Variants in FARS2 observed in about 807,000 individuals in gnomAD.
FARS2 encodes the protein phenylalanine--tRNA ligase, mitochondrial.
Under a neutral mutation model 46.4 loss-of-function variants are expected in FARS2, and 40 were observed. The observed-to-expected ratio is 0.86, with a 90% CI of 0.67 to 1.12. FARS2 has a LOEUF of 1.12. Among genes scored for constraint, FARS2 ranks in the 50% most tolerant of loss-of-function variants. FARS2 has a pLI of 0.00. For synonymous variants in FARS2, 234 were observed against 214.9 expected (o/e 1.09, Z -0.78); for missense variants, 513 against 567.9 (o/e 0.90, Z 0.98).
At chr6:5,322,958 G>A (rs985735168) in intron 1 of FARS2, among the ~76,000 whole-genome samples, 2 of 152,106 alleles carry the variant, frequency 1.3e-5, no homozygotes, top group Non-Finnish European at 2.9e-5. Context: ...ATTTCACAGC[G>A]ATAGCTCCCA....
chr6:5,430,990 G>T, intron 3 of FARS2, 51 bp from the exon 4 acceptor site: 1 of 1,581,956 alleles, frequency 6.3e-7, no homozygotes, highest in African/African-American at 1.3e-5. Context: ...TCACAAGAAA[G>T]GGCAGACAGC....
intron 6 of FARS2, among the ~76,000 whole-genome samples, chr6:5,751,082 C>T (rs918604624): frequency 2.0e-5 from 3 of 152,010 alleles, no homozygotes; most frequent in Admixed American, 6.5e-5. Context: ...CTGAGTTGTA[C>T]GATGCATTCC....
intron 2 of FARS2, among the ~76,000 whole-genome samples, chr6:5,401,916 A>C (rs1761278970): frequency 6.6e-6 from 1 of 152,108 alleles, no homozygotes; most frequent in Non-Finnish European, 1.5e-5. Flanking sequence ...AATCTGTTTT[A>C]TAAGAATATG....
At chr6:5,478,489 C>T (rs568349718) in intron 4 of FARS2, among the ~76,000 whole-genome samples, 12 of 152,150 alleles carry the variant, frequency 7.9e-5, no homozygotes, top group Non-Finnish European at 1.3e-4. Context: ...TAACTCATGG[C>T]AGAAGCATGA....
intron 1 of FARS2, among the ~76,000 whole-genome samples, chr6:5,289,335 C>T (rs1037372098): frequency 2.0e-5 from 3 of 152,102 alleles, no homozygotes; most frequent in African/African-American, 7.2e-5. Flanking sequence ...AGGTTCTTGG[C>T]GTTTTGAACA....
chr6:5,310,052 C>A (rs1165238955), intron 1 of FARS2, among the ~76,000 whole-genome samples: 1 of 151,952 alleles, frequency 6.6e-6, no homozygotes. Context: ...AATAATTGTT[C>A]AAAAATAAAC....
intron 2 of FARS2, among the ~76,000 whole-genome samples, chr6:5,404,228 A>G (rs1761422414): frequency 6.6e-6 from 1 of 152,222 alleles, no homozygotes; most frequent in African/African-American, 2.4e-5. Context: ...ATTCACTAGT[A>G]TTTCCACTAG....
intron 4 of FARS2, among the ~76,000 whole-genome samples, chr6:5,533,017 A>C (rs1238336361): frequency 1.3e-5 from 2 of 152,158 alleles, no homozygotes; most frequent in East Asian, 3.9e-4. Flanking sequence ...TATGAGGAGA[A>C]ACCTGAGGAT....
intron 6 of FARS2, among the ~76,000 whole-genome samples, chr6:5,707,679 G>C (rs780989785): frequency 6.6e-6 from 1 of 152,192 alleles, no homozygotes; most frequent in Non-Finnish European, 1.5e-5. Context: ...GGGCAAATCT[G>C]AGCACACATG....
intron 1 of FARS2, among the ~76,000 whole-genome samples, chr6:5,273,025 T>A (rs1297519759): frequency 6.6e-6 from 1 of 152,258 alleles, no homozygotes. Context: ...TGTTGTCTTT[T>A]TATGCCACAT....
chr6:5,657,950 A>C (rs1047725437), intron 6 of FARS2, among the ~76,000 whole-genome samples: 3 of 152,224 alleles, frequency 2.0e-5, no homozygotes, highest in African/African-American at 4.8e-5. Context: ...ATAGTCATAA[A>C]AATGCCTTCC....
At chr6:5,564,943 G>A (rs539614268) in intron 5 of FARS2, among the ~76,000 whole-genome samples, 1 of 152,162 alleles carries the variant, frequency 6.6e-6, no homozygotes, top group African/African-American at 2.4e-5. Flanking sequence ...AATTGGCTTT[G>A]CCTGTCACGC....
At position 5,651,567 on chromosome 6, in the gene FARS2, C is replaced by T. The variant is rs149659716; in HGVS notation, c.1217+38247C>T. On this transcript the variant is annotated intron_variant, in intron 6 of 6. Coordinates refer to ENST00000274680, the MANE Select transcript of FARS2 (RefSeq NM_006567.5). ...AAGAACCATCCCAAAGCCTCAGCTG[C>T]GCGGTCATCATCAGAGGGGGATCTG... 7.9e-5 allele frequency among the ~76,000 whole-genome samples: 12 copies of T among 152,310 alleles called. No individual in the cohort carries two copies. The South Asian group carries it at 1.0e-3, about 13-fold the overall frequency.
At chr6:5,481,152 C>A (rs2150342031) in intron 4 of FARS2, among the ~76,000 whole-genome samples, 1 of 152,336 alleles carries the variant, frequency 6.6e-6, no homozygotes, top group Non-Finnish European at 1.5e-5. Flanking sequence ...AATATTCTGG[C>A]ACAAGCATCT....
chr6:5,748,559 A>G (rs1582875076), intron 6 of FARS2, among the ~76,000 whole-genome samples: 1 of 152,344 alleles, frequency 6.6e-6, no homozygotes, highest in Non-Finnish European at 1.5e-5. Flanking sequence ...GCTAGCATTG[A>G]TTATCAGTGT....
chr6:5,356,030 G>A (rs1757902930), intron 1 of FARS2, among the ~76,000 whole-genome samples: 1 of 152,170 alleles, frequency 6.6e-6, no homozygotes, highest in Non-Finnish European at 1.5e-5. Context: ...TCCCAGCTGA[G>A]GTTGAACACG....
chr6:5,667,385 G>A (rs1778192418), intron 6 of FARS2, among the ~76,000 whole-genome samples: 2 of 151,954 alleles, frequency 1.3e-5, no homozygotes, highest in Admixed American at 6.6e-5. Flanking sequence ...TGGTGTGGTG[G>A]TGCATGCCTA....
intron 1 of FARS2, among the ~76,000 whole-genome samples, chr6:5,302,766 C>T (rs1430766886): frequency 2.6e-5 from 4 of 152,056 alleles, no homozygotes; most frequent in Non-Finnish European, 4.4e-5. Context: ...AGTCGGCTCA[C>T]GGTGCAGAAA....
At chr6:5,278,183 T>G (rs1042940678) in intron 1 of FARS2, among the ~76,000 whole-genome samples, 1 of 152,234 alleles carries the variant, frequency 6.6e-6, no homozygotes, top group African/African-American at 2.4e-5. Context: ...GTGTGATCTG[T>G]GAGTAAATGA....
Sources: allele counts gnomAD v4.1 joint callset (sites outside exome capture counted in the v4.1 genomes callset), GRCh38; gene constraint gnomAD v4.1.1; transcripts MANE v1.5; gene names NCBI Gene and HGNC (gene_info 2026-07-23, HGNC 2026-07-21).